The following AP3M1 variants were observed in gnomAD, a reference collection of about 807,000 sequenced individuals.
The protein encoded by AP3M1 is AP-3 complex subunit mu-1.
In AP3M1, 29 loss-of-function variants were observed where a neutral mutation model predicts 42.6. That is an observed-to-expected ratio of 0.68 (90% CI 0.51 to 0.93). AP3M1 has a LOEUF of 0.93. AP3M1 is among the 40% of genes least tolerant of loss of function. The pLI, the probability that AP3M1 is intolerant of heterozygous loss-of-function variation, is 0.00. For synonymous variants in AP3M1, 178 were observed against 175.3 expected, an observed-to-expected ratio of 1.02 and a Z score of -0.12; for missense variants, 416 against 510.2, an observed-to-expected ratio of 0.82 and a Z score of 1.78.
At chr10:74,139,131 G>C (rs143145332) in intron 1 of AP3M1, among the ~76,000 whole-genome samples, 136 of 151,712 alleles carry the variant, frequency 9.0e-4, no homozygotes, top group African/African-American at 3.1e-3. Context: ...AAAACAAAAG[G>C]CTTCCAAATT....
chr10:74,150,684 C>G (rs145382218), intron 1 of AP3M1, 71 bp downstream of exon 1: 2,063 of 153,672 alleles, frequency 0.013, 55 homozygotes, highest in African/African-American at 0.047. Context: ...GTCGGGGGCC[C>G]CAGCTATTCA....
chr10:74,124,307 A>G (rs1425011566), intron 8 of AP3M1, 73 bp downstream of exon 8: 1 of 1,518,680 alleles, frequency 6.6e-7, no homozygotes, highest in Non-Finnish European at 8.8e-7. Flanking sequence ...AACTTTTGTT[A>G]CTCTTCTAAA....
At chr10:74,149,208 A>G (rs1841434008) in intron 1 of AP3M1, among the ~76,000 whole-genome samples, 1 of 150,468 alleles carries the variant, frequency 6.6e-6, no homozygotes, top group Non-Finnish European at 1.5e-5. Flanking sequence ...TAAAAATCAT[A>G]AGATTAAGTA....
chr10:74,133,490 G>A (rs1274984886), intron 4 of AP3M1, among the ~76,000 whole-genome samples: 2 of 152,036 alleles, frequency 1.3e-5, no homozygotes, highest in East Asian at 3.9e-4. Context: ...GAATCCAGGA[G>A]GTGAAGGTTC....
At chr10:74,125,662 C>A (rs1840591719) in intron 7 of AP3M1, among the ~76,000 whole-genome samples, 1 of 152,168 alleles carries the variant, frequency 6.6e-6, no homozygotes, top group African/African-American at 2.4e-5. Flanking sequence ...TCTCTGAAAA[C>A]CCTCTGTTAC....
At position 74,136,662 on chromosome 10, in the gene AP3M1, T is replaced by C. The variant is rs140729385; in HGVS notation, c.415A>G (p.Ile139Val). The change falls in exon 3 of 9, where the codon ATT (isoleucine) becomes GTT (valine). Residue 139 changes from isoleucine (I) to valine (V), a missense_variant. Coordinates refer to ENST00000355264, the MANE Select transcript of AP3M1 (RefSeq NM_012095.6). Reference sequence around the variant, plus strand: ...ATAGAGTTGACAACAGAGCGTAGAATTGTTGGTGGTTTAATCAATTCTTTC... The same window carrying C: ...ATAGAGTTGACAACAGAGCGTAGAACTGTTGGTGGTTTAATCAATTCTTTC... ...ILKELIKPPT[I>V]LRSVVNSITG... The C allele has an allele frequency of 2.6e-3, 4,119 of 1,590,894 alleles. 10 individuals are homozygous for C. The highest frequency in any genetic ancestry group is 3.2e-3 in the Non-Finnish European group (3,698 of 1,162,326).
chr10:74,135,513 T>A (rs1033330467), intron 3 of AP3M1, among the ~76,000 whole-genome samples: 1 of 152,202 alleles, frequency 6.6e-6, no homozygotes, highest in Admixed American at 6.5e-5. Context: ...ACATGTTTAT[T>A]TTGGAAAATT....
At chr10:74,145,222 T>C (rs1841293021) in intron 1 of AP3M1, among the ~76,000 whole-genome samples, 2 of 152,246 alleles carry the variant, frequency 1.3e-5, no homozygotes, top group South Asian at 2.1e-4. Flanking sequence ...TACTTTATTT[T>C]AGGGCCAGAT....
At chr10:74,134,837 G>T (rs1471552134) in intron 3 of AP3M1, among the ~76,000 whole-genome samples, 1 of 152,180 alleles carries the variant, frequency 6.6e-6, no homozygotes, top group Non-Finnish European at 1.5e-5. Flanking sequence ...AGAGTTCAGA[G>T]AAGTGGTTTA....
At position 74,136,865 on chromosome 10, in the gene AP3M1, T is replaced by A. The variant is rs1840964457; in HGVS notation, c.274-62A>T. The A allele has an allele frequency of 2.6e-6, 3 of 1,165,054 alleles. No homozygotes were observed. In the South Asian group the frequency reaches 6.3e-5, roughly 24 times the overall value. 72.2% of individuals were successfully genotyped at this position (1,165,054 alleles called of 1,614,324 possible). A position where few individuals can be genotyped will look rare whatever the true frequency, so the allele number is the denominator to read the frequency against. ...GCAAAAAGAAAGGCCTGCTAAATACTTTTTGTTCTGAAGAATAAACTTAGA... is the reference window on the plus strand; with the variant it reads ...GCAAAAAGAAAGGCCTGCTAAATACATTTTGTTCTGAAGAATAAACTTAGA... On this transcript the variant is annotated intron_variant, in intron 2 of 8. Transcript: ENST00000355264.
At position 74,130,615 on chromosome 10, in the gene AP3M1, A is replaced by AT. The variant is rs1554821430; in HGVS notation, c.584-624dup. Among the ~76,000 whole-genome samples the AT allele has an allele frequency of 7.3e-5, 11 of 150,968 alleles. No individual in the cohort carries two copies. The South Asian group carries it at 1.9e-3, about 26-fold the overall frequency. ...ACCTCCACGCCTGGCTAATTTTTGT[A>AT]TTTTTTTTGTAGAGACAGGGTCTTG... On this transcript the variant is annotated intron_variant, in intron 4 of 8. Coordinates refer to ENST00000355264, the MANE Select transcript of AP3M1 (RefSeq NM_012095.6).
intron 4 of AP3M1, among the ~76,000 whole-genome samples, chr10:74,133,467 A>G (rs1004168138): frequency 2.0e-5 from 3 of 151,942 alleles, no homozygotes; most frequent in African/African-American, 7.3e-5. Context: ...AAGCTGAAGC[A>G]GCAGGATCGC....
At chr10:74,145,829 A>G (rs1841309950) in intron 1 of AP3M1, among the ~76,000 whole-genome samples, 1 of 152,244 alleles carries the variant, frequency 6.6e-6, no homozygotes, top group Non-Finnish European at 1.5e-5. Flanking sequence ...CATTTACAAT[A>G]GTCAAAATAT....
At chr10:74,125,259 G>A (rs943882596) in intron 7 of AP3M1, among the ~76,000 whole-genome samples, 1 of 152,252 alleles carries the variant, frequency 6.6e-6, no homozygotes, top group African/African-American at 2.4e-5. Flanking sequence ...GATTACAGGC[G>A]TAAGCCACTG....
intron 4 of AP3M1, among the ~76,000 whole-genome samples, chr10:74,133,387 T>G (rs1840840079): frequency 6.8e-6 from 1 of 146,326 alleles, no homozygotes; most frequent in African/African-American, 2.5e-5. Flanking sequence ...AGAGTGAAAC[T>G]GCGTCTCAAA....
intron 8 of AP3M1, 98 bp downstream of exon 8, chr10:74,124,282 C>G (rs1840551716): frequency 1.4e-6 from 2 of 1,454,716 alleles, no homozygotes; most frequent in Non-Finnish European, 1.8e-6. Context: ...GGCTACTGCT[C>G]TTTCTAGAGA....
chr10:74,139,616 T>C (rs1294618971), intron 1 of AP3M1, among the ~76,000 whole-genome samples: 1 of 143,174 alleles, frequency 7.0e-6, no homozygotes, highest in Non-Finnish European at 1.5e-5. Context: ...ACTCTGTCTC[T>C]ACTAAAAAAA....
chr10:74,127,779 T>G (rs1406120032), intron 6 of AP3M1, among the ~76,000 whole-genome samples: 2 of 151,936 alleles, frequency 1.3e-5, no homozygotes, highest in East Asian at 1.9e-4. Flanking sequence ...ATGTTTTATA[T>G]AAATGAAAAC....
rs1178890513 is a variant in AP3M1, at chr10:74,150,802, C to T, written c.-51G>A. 5.4e-6 allele frequency: 1 copy of T among 183,622 alleles called. No individual in the cohort carries two copies. Among genetic ancestry groups the T allele is most frequent in the African/African-American group, 2.4e-5 (1 of 42,114 alleles). The allele number at this position is 183,622 out of a possible 1,614,324, so 11.4% of individuals were successfully genotyped here. On this transcript the variant is annotated 5_prime_UTR_variant, in exon 1 of 9. Transcript: ENST00000355264. The stretch of plus-strand genomic sequence containing the variant: ...GATTCGGCGCCGGATCCTCTCCTAC[C>T]GAAGCTGGAGAAGCCGAGAAGGCCG...
Sources: allele counts gnomAD v4.1 joint callset (sites outside exome capture counted in the v4.1 genomes callset), GRCh38; gene constraint gnomAD v4.1.1; transcripts MANE v1.5; gene names NCBI Gene and HGNC (gene_info 2026-07-23, HGNC 2026-07-21).